The following FHIT variants were observed in gnomAD, a reference collection of about 807,000 sequenced individuals.
FHIT encodes bis(5'-adenosyl)-triphosphatase.
FHIT carries 19 observed loss-of-function variants against 17.9 expected under a neutral mutation model. That is an observed-to-expected ratio of 1.06 (90% CI 0.74 to 1.56). The LOEUF (loss-of-function observed/expected upper bound fraction) is 1.56, where lower values mean the gene tolerates loss of function less well. FHIT is among the 40% of genes most tolerant of loss of function. The pLI, the probability that FHIT is intolerant of heterozygous loss-of-function variation, is 0.00. For synonymous variants in FHIT, 81 were observed against 69.7 expected, an observed-to-expected ratio of 1.16 and a Z score of -0.81; for missense variants, 248 against 189.2, an observed-to-expected ratio of 1.31 and a Z score of -1.82.
At chr3:60,358,762 A>T (rs1699778809) in intron 5 of FHIT, among the ~76,000 whole-genome samples, 1 of 152,226 alleles carries the variant, frequency 6.6e-6, no homozygotes, top group African/African-American at 2.4e-5. Flanking sequence ...TTTTGGAGCC[A>T]GGTGAACTGG....
intron 5 of FHIT, among the ~76,000 whole-genome samples, chr3:60,200,921 A>G (rs999732163): frequency 1.3e-5 from 2 of 152,062 alleles, no homozygotes; most frequent in Admixed American, 6.6e-5. Context: ...CCATTCATCC[A>G]TTCAACAAAC....
chr3:60,387,031 T>C (rs1701039390), intron 5 of FHIT, among the ~76,000 whole-genome samples: 1 of 150,830 alleles, frequency 6.6e-6, no homozygotes, highest in Admixed American at 6.6e-5. Flanking sequence ...TTCTTTTTTT[T>C]TTTTGGAGTG....
At chr3:60,402,574 A>G (rs1159029556) in intron 5 of FHIT, among the ~76,000 whole-genome samples, 3 of 152,198 alleles carry the variant, frequency 2.0e-5, no homozygotes, top group African/African-American at 4.8e-5. Flanking sequence ...GATTCACTCT[A>G]ATCATTTAAT....
intron 4 of FHIT, among the ~76,000 whole-genome samples, chr3:60,596,798 C>T (rs189221049): frequency 2.0e-4 from 30 of 152,200 alleles, no homozygotes; most frequent in Middle Eastern, 3.4e-3. Context: ...CATAATACAA[C>T]GCCTAGCATG....
chr3:60,189,119 T>C (rs536991766), intron 5 of FHIT, among the ~76,000 whole-genome samples: 35 of 152,202 alleles, frequency 2.3e-4, no homozygotes, highest in African/African-American at 7.7e-4. Context: ...TTACTCTCAA[T>C]TACAGGCTTC....
chr3:60,657,038 C>T (rs1190204226), intron 4 of FHIT, among the ~76,000 whole-genome samples: 1 of 151,504 alleles, frequency 6.6e-6, no homozygotes, highest in Non-Finnish European at 1.5e-5. Context: ...CAAATTCAAA[C>T]TCAAACTTAG....
chr3:60,166,873 A>G (rs975573992), intron 5 of FHIT, among the ~76,000 whole-genome samples: 7 of 152,178 alleles, frequency 4.6e-5, no homozygotes, highest in South Asian at 2.1e-4. Flanking sequence ...AGGAAGAGCA[A>G]GCAGCAAGGG....
At chr3:60,500,497 C>CGGT (rs2034478806) in intron 5 of FHIT, among the ~76,000 whole-genome samples, 1 of 151,930 alleles carries the variant, frequency 6.6e-6, no homozygotes, top group Non-Finnish European at 1.5e-5. Flanking sequence ...TGGCTGGGCA[C>CGGT]GGTGGCTCAC....
At chr3:60,626,613 ATCT>A (rs2039294054) in intron 4 of FHIT, among the ~76,000 whole-genome samples, 1 of 152,034 alleles carries the variant, frequency 6.6e-6, no homozygotes, top group South Asian at 2.1e-4. Context: ...TGGATTTAAG[ATCT>A]TCTATATATA....
intron 8 of FHIT, among the ~76,000 whole-genome samples, chr3:59,801,106 T>A (rs1699976125): frequency 6.6e-6 from 1 of 152,234 alleles, no homozygotes; most frequent in East Asian, 1.9e-4. Context: ...CTGTACCTGC[T>A]CATTTGCTGA....
At chr3:59,870,856 CGTGTGTGTGTGT>C (rs112477825) in intron 8 of FHIT, among the ~76,000 whole-genome samples, 10 of 116,236 alleles carry the variant, frequency 8.6e-5, no homozygotes, top group African/African-American at 2.6e-4. Flanking sequence ...TAGTAAAGGG[CGTGTGTGTGTGT>C]GTGTGCGTGT....
chr3:59,762,596 C>T (rs750190385), intron 8 of FHIT, among the ~76,000 whole-genome samples: 10 of 152,148 alleles, frequency 6.6e-5, no homozygotes, highest in Non-Finnish European at 1.3e-4. Context: ...TCTTCTGATC[C>T]ACTCTATAAA....
At chr3:61,201,167 T>C (rs942064512) in intron 1 of FHIT, among the ~76,000 whole-genome samples, 10 of 152,228 alleles carry the variant, frequency 6.6e-5, no homozygotes, top group Non-Finnish European at 1.5e-4. Context: ...GTGTGCATGA[T>C]TACAGGGACA....
chr3:60,660,204 A>G (rs1240480631), intron 4 of FHIT, among the ~76,000 whole-genome samples: 1 of 152,190 alleles, frequency 6.6e-6, no homozygotes, highest in East Asian at 1.9e-4. Context: ...CAGCTGGAGA[A>G]AGAAGGGCTT....
intron 4 of FHIT, among the ~76,000 whole-genome samples, chr3:60,790,743 A>G (rs1332938070): frequency 6.6e-6 from 1 of 152,220 alleles, no homozygotes; most frequent in African/African-American, 2.4e-5. Flanking sequence ...GATGTTACAT[A>G]CTTGTCCAAA....
chr3:60,311,397 G>T (rs1244630688), intron 5 of FHIT, among the ~76,000 whole-genome samples: 1 of 152,090 alleles, frequency 6.6e-6, no homozygotes, highest in Non-Finnish European at 1.5e-5. Context: ...TACTGCATCA[G>T]GAGACACACA....
chr3:59,904,768 G>C (rs1406665249), intron 8 of FHIT, among the ~76,000 whole-genome samples: 3 of 152,236 alleles, frequency 2.0e-5, no homozygotes, highest in African/African-American at 7.2e-5. Flanking sequence ...TTAGCGAAGA[G>C]GGGATATGGA....
chr3:61,006,229 G>A (rs1290340588), intron 3 of FHIT, among the ~76,000 whole-genome samples: 1 of 152,152 alleles, frequency 6.6e-6, no homozygotes, highest in Non-Finnish European at 1.5e-5. Context: ...ATATGGATTA[G>A]TGCTCTCAAA....
chr3:60,542,745 T>C (rs1320833982), intron 4 of FHIT, among the ~76,000 whole-genome samples: 1 of 152,212 alleles, frequency 6.6e-6, no homozygotes, highest in Non-Finnish European at 1.5e-5. Flanking sequence ...ACAGAAATCA[T>C]TCATTTTGAT....
Sources: gnomAD v4.1 joint callset for allele counts (sites outside exome capture counted in the v4.1 genomes callset) on GRCh38, gnomAD v4.1.1 for gene constraint, MANE v1.5 for transcripts, NCBI Gene and HGNC (gene_info 2026-07-23, HGNC 2026-07-21) for gene names.